The following CLIP2 variants were observed in gnomAD, a reference collection of about 807,000 sequenced individuals.
CLIP2 encodes the protein CAP-Gly domain-containing linker protein 2.
CLIP2 carries 41 observed loss-of-function variants against 111.7 expected under a neutral mutation model. The observed-to-expected ratio is 0.37, with a 90% CI of 0.29 to 0.48. CLIP2 has a LOEUF of 0.48. Among genes scored for constraint, CLIP2 ranks in the 20% least tolerant of loss-of-function variants. The pLI is 0.99. For synonymous variants in CLIP2, 660 were observed against 644.2 expected (o/e 1.02, Z -0.37); for missense variants, 1,160 against 1,422.1 (o/e 0.82, Z 2.96).
chr7:74,321,025 C>T (rs1788937487), intron 2 of CLIP2, among the ~76,000 whole-genome samples: 1 of 152,126 alleles, frequency 6.6e-6, no homozygotes, highest in Admixed American at 6.6e-5. Flanking sequence ...GGCCCAAATT[C>T]TGGCTGTGAT....
intron 2 of CLIP2, among the ~76,000 whole-genome samples, chr7:74,334,235 G>A (rs782464233): frequency 2.0e-5 from 3 of 152,194 alleles, no homozygotes; most frequent in Non-Finnish European, 2.9e-5. Flanking sequence ...GGAATTTGAT[G>A]AGCGTTTTGT....
intron 8 of CLIP2, 56 bp downstream of exon 8, chr7:74,364,371 C>T: frequency 1.3e-6 from 2 of 1,511,306 alleles, no homozygotes; most frequent in Admixed American, 1.8e-5. Context: ...CTGGCCCTTG[C>T]TAGGGCAGAT....
At chr7:74,361,305 C>T (rs1045313325) in intron 7 of CLIP2, among the ~76,000 whole-genome samples, 1 of 150,468 alleles carries the variant, frequency 6.6e-6, no homozygotes, top group Admixed American at 6.7e-5. Context: ...GCAATCTCCA[C>T]CTCCCAGGTT....
chr7:74,357,589 C>T, intron 6 of CLIP2, 112 bp downstream of exon 6: 1 of 918,976 alleles, frequency 1.1e-6, no homozygotes, highest in Non-Finnish European at 1.7e-6. Flanking sequence ...ATGAAGATAA[C>T]ACAAGCAGTA....
intron 9 of CLIP2, among the ~76,000 whole-genome samples, chr7:74,375,400 A>C (rs35705083): frequency 0.53 from 80,704 of 151,056 alleles, 23,035 homozygotes; most frequent in Non-Finnish European, 0.64. Context: ...AAAACACAAA[A>C]ATTCCCCAGG....
At chr7:74,358,985 GAC>G (rs1205726190) in intron 6 of CLIP2, among the ~76,000 whole-genome samples, 1 of 151,974 alleles carries the variant, frequency 6.6e-6, no homozygotes, top group Admixed American at 6.6e-5. Context: ...CTTTTTTTGA[GAC>G]AGAGTCTCGC....
chr7:74,402,502 C>A (rs1310278789), intron 16 of CLIP2, among the ~76,000 whole-genome samples: 3 of 151,926 alleles, frequency 2.0e-5, no homozygotes, highest in Non-Finnish European at 4.4e-5. Context: ...GGGCAACAAG[C>A]ACAAAACTGT....
intron 11 of CLIP2, among the ~76,000 whole-genome samples, chr7:74,386,077 T>G (rs2116680861): frequency 7.7e-6 from 1 of 129,746 alleles, no homozygotes; most frequent in East Asian, 2.4e-4. Context: ...AGACCGAGTC[T>G]CGCTGTGTCG....
intron 8 of CLIP2, among the ~76,000 whole-genome samples, chr7:74,372,639 G>A (rs1790661891): frequency 6.6e-6 from 1 of 152,042 alleles, no homozygotes; most frequent in Non-Finnish European, 1.5e-5. Context: ...CCAAGCAGGG[G>A]CCAGCGAGGG....
intron 1 of CLIP2, among the ~76,000 whole-genome samples, chr7:74,310,570 TG>T (rs1303941234): frequency 6.6e-6 from 1 of 152,138 alleles, no homozygotes; most frequent in African/African-American, 2.4e-5. Flanking sequence ...TACTTTTGTT[TG>T]TACAGGCACT....
In CLIP2 at chr7:74,312,369, TC is replaced by T. The variant is rs139482528; in HGVS notation, c.-67-5109del. Among the ~76,000 whole-genome samples the T allele has an allele frequency of 5.5e-3, 830 of 152,094 alleles. 6 individuals are homozygous for T. Among genetic ancestry groups the T allele is most frequent in the African/African-American group, 0.018 (765 of 41,512 alleles). ...GCGGGGGTCAGGAGGCGGAGGGAGT[TC>T]CTTGCACCTCACTTGAGTCTCAGCA... On this transcript the variant is annotated intron_variant, in intron 1 of 16. Coordinates refer to ENST00000223398, the MANE Select transcript of CLIP2 (RefSeq NM_003388.5).
chr7:74,344,238 T>C (rs1051768905), intron 3 of CLIP2, among the ~76,000 whole-genome samples: 2 of 152,198 alleles, frequency 1.3e-5, no homozygotes, highest in South Asian at 4.1e-4. Flanking sequence ...TAGAAGTGTC[T>C]GCTAAGCCCT....
At chr7:74,332,982 C>A (rs1226805385) in intron 2 of CLIP2, among the ~76,000 whole-genome samples, 2 of 152,224 alleles carry the variant, frequency 1.3e-5, no homozygotes, top group Non-Finnish European at 2.9e-5. Context: ...CGCGTCCTCG[C>A]AGGCGGAGGG....
chr7:74,401,368 G>A, intron 15 of CLIP2, 137 bp from the exon 16 acceptor site: 2 of 755,314 alleles, frequency 2.6e-6, no homozygotes, highest in Non-Finnish European at 4.5e-6. Flanking sequence ...GGTCTTTGGG[G>A]GTGCTGGGAG....
chr7:74,297,726 G>C (rs1439890206), intron 1 of CLIP2, among the ~76,000 whole-genome samples: 1 of 152,108 alleles, frequency 6.6e-6, no homozygotes, highest in Non-Finnish European at 1.5e-5. Flanking sequence ...CTCCAAGCAG[G>C]CTGGGTGAAT....
At chr7:74,297,476 C>CA (rs1373388883) in intron 1 of CLIP2, among the ~76,000 whole-genome samples, 7 of 149,776 alleles carry the variant, frequency 4.7e-5, no homozygotes, top group Admixed American at 1.3e-4. Flanking sequence ...GATCCTGTCT[C>CA]AAAAAAAAAC....
chr7:74,364,010 C>G (rs1164578747), intron 7 of CLIP2, among the ~76,000 whole-genome samples: 1 of 152,168 alleles, frequency 6.6e-6, no homozygotes, highest in Non-Finnish European at 1.5e-5. Context: ...TTATTTCCCA[C>G]CACCCTGGGG....
At chr7:74,345,171 G>A (rs1303152015) in intron 3 of CLIP2, among the ~76,000 whole-genome samples, 1 of 152,136 alleles carries the variant, frequency 6.6e-6, no homozygotes, top group African/African-American at 2.4e-5. Context: ...AGTTTTAATT[G>A]GGGAGCTGGA....
chr7:74,389,328 G>A, intron 13 of CLIP2, 69 bp downstream of exon 13: 1 of 1,432,748 alleles, frequency 7.0e-7, no homozygotes, highest in Non-Finnish European at 9.3e-7. Flanking sequence ...CTTGACATTA[G>A]CTCATGTTAT....
Sources: allele counts gnomAD v4.1 joint callset (sites outside exome capture counted in the v4.1 genomes callset), GRCh38; gene constraint gnomAD v4.1.1; transcripts MANE v1.5; gene names NCBI Gene and HGNC (gene_info 2026-07-23, HGNC 2026-07-21).